Variants in ATXN7 observed in about 807,000 individuals in gnomAD.
ATXN7 encodes the protein ataxin 7.
A neutral mutation model predicts 70.5 loss-of-function variants in ATXN7; 12 were observed. The ratio of observed to expected loss-of-function variants is 0.17; its 90% CI spans 0.11 to 0.28. ATXN7 has a LOEUF of 0.28. Among genes scored for constraint, ATXN7 ranks in the 10% least tolerant of loss-of-function variants. ATXN7 has a pLI of 1.00. For missense variants in ATXN7, 1,256 were observed against 1,131.7 expected (o/e 1.11, Z -1.58); for synonymous variants, 498 against 448.7 (o/e 1.11, Z -1.39).
intron 1 of ATXN7, among the ~76,000 whole-genome samples, chr3:63,872,074 C>T (rs1052819993): frequency 3.9e-5 from 6 of 152,086 alleles, no homozygotes; most frequent in African/African-American, 1.4e-4. Flanking sequence ...GGTGGAGATA[C>T]AGTTCATTGT....
intron 1 of ATXN7, among the ~76,000 whole-genome samples, chr3:63,895,803 GTC>G (rs1011848847): frequency 2.7e-5 from 4 of 149,208 alleles, no homozygotes; most frequent in South Asian, 2.1e-4. Flanking sequence ...CTCTCTCTGT[GTC>G]TCTCTCTCTC....
chr3:63,999,879 C>G lies in ATXN7; in HGVS notation c.*412C>G, dbSNP rs1352270164. ...CTTTCTCCCTCCTTCCTTTTACTACCATTTTTTTTTAACACTGTCATCTGT... is the reference window on the plus strand; with the variant it reads ...CTTTCTCCCTCCTTCCTTTTACTACGATTTTTTTTTAACACTGTCATCTGT... On this transcript the variant is annotated 3_prime_UTR_variant, in exon 13 of 13. Coordinates refer to ENST00000674280, the MANE Select transcript of ATXN7 (RefSeq NM_001377405.1). 3.4e-5 allele frequency: 9 copies of G among 265,032 alleles called. 1 individual carries two copies. The Admixed American group carries it at 3.8e-4, about 11-fold the overall frequency. 16.4% of individuals were successfully genotyped at this position (265,032 alleles called of 1,614,324 possible).
intron 4 of ATXN7, among the ~76,000 whole-genome samples, chr3:63,947,884 G>A (rs1374821969): frequency 6.6e-6 from 1 of 152,130 alleles, no homozygotes; most frequent in African/African-American, 2.4e-5. Flanking sequence ...AGTGTGCCTG[G>A]AGCAGAGTGA....
chr3:63,913,008 C>T, intron 3 of ATXN7, 85 bp downstream of exon 3: 1 of 1,213,316 alleles, frequency 8.2e-7, no homozygotes, highest in Non-Finnish European at 1.1e-6. Flanking sequence ...CCTCCTGTGA[C>T]CCGCCCCCTC....
chr3:63,938,849 G>A (rs1413057830), intron 4 of ATXN7, among the ~76,000 whole-genome samples: 1 of 152,068 alleles, frequency 6.6e-6, no homozygotes, highest in African/African-American at 2.4e-5. Flanking sequence ...GCTACCTTTG[G>A]GGAAAACTTT....
intron 4 of ATXN7, among the ~76,000 whole-genome samples, chr3:63,951,771 A>G (rs2074957193): frequency 6.6e-6 from 1 of 152,220 alleles, no homozygotes; most frequent in Admixed American, 6.5e-5. Context: ...ATCCTACCCT[A>G]TTTTGGTAAC....
At chr3:63,997,538 C>G (rs1429651024) in intron 12 of ATXN7, 1 of 1,183,240 alleles carries the variant, frequency 8.5e-7, no homozygotes, top group East Asian at 2.6e-5. Flanking sequence ...CTGCCTGTTA[C>G]TGACCTCACC....
intron 5 of ATXN7, among the ~76,000 whole-genome samples, chr3:63,953,879 C>G (rs1442931563): frequency 6.6e-6 from 1 of 151,998 alleles, no homozygotes; most frequent in Non-Finnish European, 1.5e-5. Context: ...AACTCCTGAC[C>G]TCAAGTGATC....
intron 1 of ATXN7, among the ~76,000 whole-genome samples, chr3:63,892,483 ACACACACACACC>A (rs1275413668): frequency 2.7e-5 from 4 of 148,926 alleles, no homozygotes; most frequent in Admixed American, 6.6e-5. Flanking sequence ...ACACACACAC[ACACACACACACC>A]CACACACACA....
At chr3:63,928,104 A>T (rs1294971410) in intron 4 of ATXN7, among the ~76,000 whole-genome samples, 1 of 152,190 alleles carries the variant, frequency 6.6e-6, no homozygotes, top group Non-Finnish European at 1.5e-5. Context: ...TTTCACAAAG[A>T]TCCTCTTTTT....
rs550050281 is a variant in ATXN7, at chr3:63,996,315, A to G, written c.2493A>G (p.Lys831=). The change falls in exon 12 of 13, where the codon AAA becomes AAG. Residue 831 remains lysine (K), a synonymous_variant. Coordinates refer to ENST00000674280, the MANE Select transcript of ATXN7 (RefSeq NM_001377405.1). ...SFSHSHTPLD[K]LIGKKRKCSP... The stretch of plus-strand genomic sequence containing the variant: ...CCCACTCACACACTCCTCTAGACAA[A>G]CTCATAGGAAAGAAAAGAAAGTGCT... 3.7e-6 allele frequency: 6 copies of G among 1,614,048 alleles called. No individual in the cohort carries two copies. The South Asian group carries it at 4.4e-5, about 12-fold the overall frequency.
At chr3:63,905,075 A>G (rs1703788574) in intron 2 of ATXN7, 1 of 152,174 alleles carries the variant, frequency 6.6e-6, no homozygotes, top group Non-Finnish European at 1.5e-5. Flanking sequence ...GTCCCTTATC[A>G]GATAAATGAT....
At chr3:63,885,178 C>T (rs1178138085) in intron 1 of ATXN7, among the ~76,000 whole-genome samples, 1 of 152,108 alleles carries the variant, frequency 6.6e-6, no homozygotes, top group Non-Finnish European at 1.5e-5. Flanking sequence ...AGTGAAAAGA[C>T]AATCAACACT....
At chr3:63,892,374 CCACA>C (rs56293497) in intron 1 of ATXN7, among the ~76,000 whole-genome samples, 20,880 of 133,170 alleles carry the variant, frequency 0.16, 1,560 homozygotes, top group East Asian at 0.24. Context: ...GACACCTCTA[CCACA>C]CACACACACA....
intron 1 of ATXN7, among the ~76,000 whole-genome samples, chr3:63,890,696 C>T (rs979572917): frequency 1.1e-4 from 17 of 152,112 alleles, no homozygotes; most frequent in African/African-American, 3.1e-4. Flanking sequence ...AAAATTATGA[C>T]GATAGTAAGA....
intron 4 of ATXN7, among the ~76,000 whole-genome samples, chr3:63,934,086 C>G (rs1291521337): frequency 1.3e-5 from 2 of 152,182 alleles, no homozygotes; most frequent in Non-Finnish European, 2.9e-5. Context: ...ATTGGCCTAA[C>G]TCCTTTGCAG....
At chr3:63,962,129 A>G (rs2075142542) in intron 5 of ATXN7, among the ~76,000 whole-genome samples, 1 of 152,194 alleles carries the variant, frequency 6.6e-6, no homozygotes, top group African/African-American at 2.4e-5. Context: ...CCCAATAGCT[A>G]AATTTAGCTA....
chr3:63,912,898 G>A lies in ATXN7; in HGVS notation c.300G>A (p.Glu100=). Reference sequence around the variant, plus strand: ...GACAGTCGTGGAATCTGTGGGTTGAGGCTTCCAAACTTCCTGGGAAGGACG... The same window carrying A: ...GACAGTCGTGGAATCTGTGGGTTGAAGCTTCCAAACTTCCTGGGAAGGACG... ...MLGQSWNLWV[E]ASKLPGKDGT... The change falls in exon 3 of 13, where the codon GAG becomes GAA. Residue 100 remains glutamate, a synonymous_variant. Coordinates refer to ENST00000674280, the MANE Select transcript of ATXN7 (RefSeq NM_001377405.1). The A allele has an allele frequency of 1.2e-6, 2 of 1,613,372 alleles. No homozygotes were observed. The highest frequency in any genetic ancestry group is 1.7e-6 in the Non-Finnish European group (2 of 1,179,754).
chr3:63,883,287 T>C (rs1483440489), intron 1 of ATXN7, among the ~76,000 whole-genome samples: 1 of 152,134 alleles, frequency 6.6e-6, no homozygotes, highest in Non-Finnish European at 1.5e-5. Context: ...CAGTATTAGA[T>C]CCTGGCCCCA....
Sources: allele counts gnomAD v4.1 joint callset (sites outside exome capture counted in the v4.1 genomes callset), GRCh38; gene constraint gnomAD v4.1.1; transcripts MANE v1.5; gene names NCBI Gene and HGNC (gene_info 2026-07-23, HGNC 2026-07-21).